The following RASEF variants were observed in gnomAD, a reference collection of about 807,000 sequenced individuals.
The protein encoded by RASEF is RAS and EF-hand domain containing, also known as ras and EF-hand domain-containing protein.
In RASEF, 68 loss-of-function variants were observed where a neutral mutation model predicts 90.1. That is an observed-to-expected ratio of 0.75 (90% confidence interval 0.62 to 0.92). The LOEUF (loss-of-function observed/expected upper bound fraction) is 0.92. Among genes scored for constraint, RASEF ranks in the 40% least tolerant of loss-of-function variants. RASEF has a pLI of 0.00. For synonymous variants in RASEF, 331 were observed against 345.2 expected, an observed-to-expected ratio of 0.96 and a Z score of 0.46; for missense variants, 949 against 937.2, an observed-to-expected ratio of 1.01 and a Z score of -0.16.
intron 3 of RASEF, among the ~76,000 whole-genome samples, chr9:83,017,517 C>A (rs1218984997): frequency 6.6e-6 from 1 of 151,376 alleles, no homozygotes; most frequent in Admixed American, 6.6e-5. Flanking sequence ...AAAAGAAGTA[C>A]TTTATCCAGA....
chr9:83,191,563 T>G, the RASEF span, among the ~76,000 whole-genome samples: 1 of 152,190 alleles, frequency 6.6e-6, no homozygotes, highest in Admixed American at 6.5e-5. Flanking sequence ...TTTAAACATT[T>G]AGAGTCTATG....
chr9:83,162,178 G>C, the RASEF span, among the ~76,000 whole-genome samples: 1 of 152,224 alleles, frequency 6.6e-6, no homozygotes, highest in East Asian at 1.9e-4. Context: ...TAGGTCTCCA[G>C]GTTTAGAGAA....
chr9:83,015,661 C>CAGAGCAAG, intron 4 of RASEF, 144 bp downstream of exon 4: 1 of 685,754 alleles, frequency 1.5e-6, no homozygotes, highest in Non-Finnish European at 2.6e-6. Flanking sequence ...GCCTGGGTGA[C>CAGAGCAAG]AGAGCAAGAC....
At chr9:82,986,559 C>G (rs1751895904) in intron 16 of RASEF, among the ~76,000 whole-genome samples, 1 of 152,228 alleles carries the variant, frequency 6.6e-6, no homozygotes, top group Admixed American at 6.5e-5. Context: ...AAAATGCAGG[C>G]ATGCTCCACT....
the RASEF span, among the ~76,000 whole-genome samples, chr9:83,106,142 T>C: frequency 6.6e-6 from 1 of 152,188 alleles, no homozygotes; most frequent in Non-Finnish European, 1.5e-5. Context: ...TCTAAATCCT[T>C]GGGCTAGCTC....
At chr9:83,192,411 T>C in the RASEF span, among the ~76,000 whole-genome samples, 1 of 152,282 alleles carries the variant, frequency 6.6e-6, no homozygotes, top group South Asian at 2.1e-4. Flanking sequence ...TGCAAGAACA[T>C]GGATGCAGCC....
chr9:83,001,593 T>G (rs1020077984), intron 9 of RASEF, among the ~76,000 whole-genome samples: 10 of 152,166 alleles, frequency 6.6e-5, no homozygotes, highest in Admixed American at 2.0e-4. Flanking sequence ...AATGTCAGAC[T>G]CAAGACCCTC....
intron 5 of RASEF, 50 bp from the exon 6 acceptor site, chr9:83,009,806 T>C: frequency 8.6e-7 from 1 of 1,163,508 alleles, no homozygotes. Context: ...TTCCTCTGCC[T>C]GGGAGAAATG....
chr9:83,008,917 T>TATATATAC (rs1554706840), intron 6 of RASEF, among the ~76,000 whole-genome samples: 14 of 127,466 alleles, frequency 1.1e-4, no homozygotes, highest in African/African-American at 4.0e-4. Flanking sequence ...TATATATATA[T>TATATATAC]ATATATATAT....
At chr9:83,140,082 A>C in the RASEF span, among the ~76,000 whole-genome samples, 2 of 152,204 alleles carry the variant, frequency 1.3e-5, no homozygotes, top group African/African-American at 2.4e-5. Context: ...GAAAGAGAGC[A>C]ACACAGCCAG....
At chr9:83,022,467 G>A in intron 2 of RASEF, 41 bp from the exon 3 acceptor site, 2 of 1,431,054 alleles carry the variant, frequency 1.4e-6, no homozygotes, top group South Asian at 1.1e-5. Context: ...TTATACTCTT[G>A]AACTTGAAAC....
chr9:83,201,612 A>G, the RASEF span, among the ~76,000 whole-genome samples: 55,827 of 151,948 alleles, frequency 0.37, 11,925 homozygotes, highest in Middle Eastern at 0.52. Context: ...TATTAATGGG[A>G]CTTTTTTCTA....
At chr9:83,124,891 C>A in the RASEF span, among the ~76,000 whole-genome samples, 24 of 152,040 alleles carry the variant, frequency 1.6e-4, no homozygotes, top group African/African-American at 5.6e-4. Context: ...TTAGAAAAAA[C>A]CCCACAACAG....
intron 9 of RASEF, among the ~76,000 whole-genome samples, chr9:83,002,499 T>C (rs1437114772): frequency 6.6e-6 from 1 of 150,504 alleles, no homozygotes; most frequent in Non-Finnish European, 1.5e-5. Flanking sequence ...AAATATATTG[T>C]TAATATATTT....
At chr9:83,161,446 T>C in the RASEF span, among the ~76,000 whole-genome samples, 2 of 152,164 alleles carry the variant, frequency 1.3e-5, no homozygotes, top group African/African-American at 4.8e-5. Context: ...TTTGGGCATA[T>C]TTCTCCCATT....
intron 13 of RASEF, 134 bp from the exon 14 acceptor site, chr9:82,997,260 A>G (rs1646269849): frequency 1.6e-6 from 1 of 629,082 alleles, no homozygotes; most frequent in Non-Finnish European, 2.9e-6. Flanking sequence ...TGACTGAGAC[A>G]TAGGCATTTC....
chr9:83,027,387 T>C (rs756665421), intron 1 of RASEF, among the ~76,000 whole-genome samples: 2 of 152,160 alleles, frequency 1.3e-5, no homozygotes, highest in Non-Finnish European at 2.9e-5. Context: ...TTTCTTAATC[T>C]TAATCATGTT....
chr9:83,064,479 AT>A (rs1332050070), upstream of RASEF, among the ~76,000 whole-genome samples: 1 of 152,192 alleles, frequency 6.6e-6, no homozygotes, highest in East Asian at 1.9e-4. Context: ...TTCCATATGA[AT>A]TTAAAAGTAG....
At chr9:83,129,348 A>G in the RASEF span, among the ~76,000 whole-genome samples, 1 of 151,496 alleles carries the variant, frequency 6.6e-6, no homozygotes, top group African/African-American at 2.4e-5. Context: ...CGGAGCTTGC[A>G]GTGAGCTGAG....
Sources: gnomAD v4.1 joint callset for allele counts (sites outside exome capture counted in the v4.1 genomes callset) on GRCh38, gnomAD v4.1.1 for gene constraint, MANE v1.5 for transcripts, NCBI Gene and HGNC (gene_info 2026-07-23, HGNC 2026-07-21) for gene names.